The following KIF26B variants were observed in gnomAD, a reference collection of about 807,000 sequenced individuals.
KIF26B encodes kinesin-like protein KIF26B.
A neutral mutation model predicts 151.2 loss-of-function variants in KIF26B; 63 were observed. That is an observed-to-expected ratio of 0.42 (90% CI 0.34 to 0.51). The LOEUF (loss-of-function observed/expected upper bound fraction) is 0.51. KIF26B is among the 20% of genes least tolerant of loss of function. The pLI is 0.07. For missense variants in KIF26B, 2,813 were observed against 2,913.6 expected, an observed-to-expected ratio of 0.97 and a Z score of 0.79; for synonymous variants, 1,357 against 1,262.1, an observed-to-expected ratio of 1.08 and a Z score of -1.59.
chr1:245,680,502 T>G (rs2044420418), intron 10 of KIF26B, among the ~76,000 whole-genome samples: 1 of 152,166 alleles, frequency 6.6e-6, no homozygotes, highest in Admixed American at 6.5e-5. Context: ...ACCATGTGAT[T>G]GAGTCATGGG....
intron 2 of KIF26B, among the ~76,000 whole-genome samples, chr1:245,273,921 AC>A (rs1427488303): frequency 3.3e-5 from 5 of 151,992 alleles, no homozygotes; most frequent in Non-Finnish European, 7.4e-5. Flanking sequence ...GTTTTTATCT[AC>A]CTTGTAGCTC....
intron 5 of KIF26B, among the ~76,000 whole-genome samples, chr1:245,591,552 C>T (rs960107258): frequency 1.3e-5 from 2 of 152,208 alleles, no homozygotes; most frequent in Non-Finnish European, 2.9e-5. Flanking sequence ...AGAGCCTGTG[C>T]CCCCAAGCTC....
intron 2 of KIF26B, among the ~76,000 whole-genome samples, chr1:245,293,465 G>C (rs1291785330): frequency 6.6e-6 from 1 of 152,126 alleles, no homozygotes; most frequent in African/African-American, 2.4e-5. Flanking sequence ...CCCAGCCCTG[G>C]TGGCTTCCAG....
Position 245,318,474 on chromosome 1 carries a change from G to C in KIF26B, c.466-48360G>C, listed in dbSNP as rs114364927. Among the ~76,000 whole-genome samples the C allele has an allele frequency of 0.014, 2,075 of 152,258 alleles. 20 individuals are homozygous for C. Among genetic ancestry groups the C allele is most frequent in the Middle Eastern group, 0.068 (20 of 292 alleles). On this transcript the variant is annotated intron_variant, in intron 2 of 14. Coordinates refer to ENST00000407071, the MANE Select transcript of KIF26B (RefSeq NM_018012.4). This position sits in a 1 kb window ranked among gnomAD's most constrained non-coding sequence, Gnocchi z 4.0. Reference sequence around the variant, plus strand: ...CTTTGCCCTGAGGAATATACAAGTTGATAGGGCTACTTGCCTTCTTGCTCA... The same window carrying C: ...CTTTGCCCTGAGGAATATACAAGTTCATAGGGCTACTTGCCTTCTTGCTCA...
intron 4 of KIF26B, chr1:245,511,182 A>ATT (rs139431248): frequency 1.8e-5 from 11 of 595,384 alleles, no homozygotes; most frequent in African/African-American, 9.5e-5. Flanking sequence ...TTTTCTTGCT[A>ATT]TTTTTTTTTT....
chr1:245,634,735 G>A lies in KIF26B; in HGVS notation c.2099-11386G>A, dbSNP rs2043817141. Among the ~76,000 whole-genome samples, 3 of 151,734 alleles carry A rather than the reference G, an allele frequency of 2.0e-5. No individual in the cohort carries two copies. The South Asian group carries it at 6.2e-4, about 32-fold the overall frequency. ...TAGATACAATATTTTTTTGAGTTGG[G>A]GTCTCACTCTGTCACCCAGGCTGGA... On this transcript the variant is annotated intron_variant, in intron 9 of 14. Transcript: ENST00000407071.
At chr1:245,288,317 C>T (rs1007231521) in intron 2 of KIF26B, among the ~76,000 whole-genome samples, 2 of 152,114 alleles carry the variant, frequency 1.3e-5, no homozygotes, top group African/African-American at 4.8e-5. Flanking sequence ...GACAGGGACC[C>T]CATTTCACAC....
intron 2 of KIF26B, among the ~76,000 whole-genome samples, chr1:245,348,883 A>T (rs1216486184): frequency 6.6e-6 from 1 of 152,144 alleles, no homozygotes; most frequent in Admixed American, 6.5e-5. Flanking sequence ...GCTGTGGCTC[A>T]CAGCCTCACT....
chr1:245,429,413 A>G (rs1407615439), intron 4 of KIF26B, among the ~76,000 whole-genome samples: 1 of 152,070 alleles, frequency 6.6e-6, no homozygotes, highest in Non-Finnish European at 1.5e-5. Flanking sequence ...TGTCTCTGAG[A>G]ACAAAAACCA....
intron 2 of KIF26B, among the ~76,000 whole-genome samples, chr1:245,303,542 G>A (rs1390025251): frequency 6.6e-6 from 1 of 152,150 alleles, no homozygotes; most frequent in Non-Finnish European, 1.5e-5. Context: ...ATTGAACTCA[G>A]TACATCAACT....
chr1:245,539,703 A>C (rs550454637), intron 4 of KIF26B, among the ~76,000 whole-genome samples: 305 of 152,288 alleles, frequency 2.0e-3, no homozygotes, highest in African/African-American at 7.2e-3. Flanking sequence ...CCCAGCCTGG[A>C]GAGCAGTGGC....
intron 2 of KIF26B, among the ~76,000 whole-genome samples, chr1:245,165,915 G>A (rs1668607824): frequency 6.6e-6 from 1 of 152,222 alleles, no homozygotes; most frequent in African/African-American, 2.4e-5. Context: ...GGAATAGATT[G>A]AGAGGTGAGG....
intron 2 of KIF26B, among the ~76,000 whole-genome samples, chr1:245,245,736 A>C (rs1350366110): frequency 6.6e-6 from 1 of 151,990 alleles, no homozygotes; most frequent in Non-Finnish European, 1.5e-5. Context: ...TTCAATACCA[A>C]CCTGGCCAAG....
rs72761151 is a variant in KIF26B at position 245,368,172 on chromosome 1, C to T, written c.999+805C>T. ...CAAATTCTTTTCTATTTGCAACTCA[C>T]CTTAAGAACTACTGGGATTGGGCTG... On this transcript the variant is annotated intron_variant, in intron 3 of 14. Coordinates refer to ENST00000407071, the MANE Select transcript of KIF26B (RefSeq NM_018012.4). 3.0e-3 allele frequency among the ~76,000 whole-genome samples: 459 copies of T among 152,326 alleles called. 2 individuals are homozygous for T. The highest frequency in any genetic ancestry group is 5.4e-3 in the Non-Finnish European group (365 of 68,036).
intron 2 of KIF26B, among the ~76,000 whole-genome samples, chr1:245,212,395 C>A (rs771900954): frequency 1.3e-5 from 2 of 152,300 alleles, no homozygotes; most frequent in South Asian, 4.1e-4. Context: ...ACGTGATGGG[C>A]GCAAACCCCT....
chr1:245,580,166 T>C (rs557943388), intron 5 of KIF26B, among the ~76,000 whole-genome samples: 1 of 152,330 alleles, frequency 6.6e-6, no homozygotes, highest in Admixed American at 6.5e-5. Context: ...CAATGCTGCG[T>C]CATAACACGC....
At chr1:245,549,843 C>T (rs1007307137) in intron 5 of KIF26B, among the ~76,000 whole-genome samples, 4 of 151,946 alleles carry the variant, frequency 2.6e-5, no homozygotes, top group South Asian at 2.1e-4. Flanking sequence ...TGCAATGGCA[C>T]GATCTTGGCT....
chr1:245,552,308 G>T (rs963305829), intron 5 of KIF26B, among the ~76,000 whole-genome samples: 2 of 152,090 alleles, frequency 1.3e-5, no homozygotes, highest in Admixed American at 1.3e-4. Flanking sequence ...ATTCCTTCTT[G>T]CTCAGGGAAA....
chr1:245,672,316 GA>G (rs1252407087), intron 10 of KIF26B, among the ~76,000 whole-genome samples: 1 of 152,210 alleles, frequency 6.6e-6, no homozygotes, highest in Non-Finnish European at 1.5e-5. Flanking sequence ...TTGACAATGA[GA>G]ATCCTGTTTT....
Sources: allele counts gnomAD v4.1 joint callset (sites outside exome capture counted in the v4.1 genomes callset), GRCh38; gene constraint gnomAD v4.1.1; non-coding constraint Gnocchi (gnomAD v3.1); transcripts MANE v1.5; gene names NCBI Gene and HGNC (gene_info 2026-07-23, HGNC 2026-07-21).